RGS6: variants seen among roughly 807,000 people sequenced by gnomAD.
RGS6 encodes the protein regulator of G-protein signaling 6.
RGS6 carries 30 observed loss-of-function variants against 78.5 expected under a neutral mutation model. The observed-to-expected ratio is 0.38, with a 90% CI of 0.29 to 0.52. RGS6 has a LOEUF of 0.52. Ranked by LOEUF, RGS6 falls within the 20% of genes least tolerant of loss-of-function variation. The pLI is 0.85. For missense variants in RGS6, 495 were observed against 609.7 expected (o/e 0.81, Z 1.98); for synonymous variants, 206 against 206.0 (o/e 1.00, Z 0.00).
chr14:72,431,351 G>A (rs915775447), intron 3 of RGS6, among the ~76,000 whole-genome samples: 2 of 151,910 alleles, frequency 1.3e-5, no homozygotes, highest in African/African-American at 4.8e-5. Context: ...CAGTTGGTTT[G>A]GCTCTTCATT....
At chr14:72,453,565 G>C (rs910111684) in intron 3 of RGS6, among the ~76,000 whole-genome samples, 1 of 129,054 alleles carries the variant, frequency 7.7e-6, no homozygotes, top group Non-Finnish European at 1.6e-5. Context: ...GCAGTGAGCC[G>C]AGATCCCGCC....
At chr14:72,037,627 C>T (rs11848622) in intron 2 of RGS6, among the ~76,000 whole-genome samples, 19,828 of 152,178 alleles carry the variant, frequency 0.13, 1,346 homozygotes, top group East Asian at 0.17. Flanking sequence ...CTTCAAACAC[C>T]GTTTATTCAG....
chr14:72,521,557 C>T (rs1196809140), intron 15 of RGS6, among the ~76,000 whole-genome samples: 1 of 152,204 alleles, frequency 6.6e-6, no homozygotes, highest in Non-Finnish European at 1.5e-5. Flanking sequence ...GCAATCTAGA[C>T]TAGACATGAG....
the RGS6 span, among the ~76,000 whole-genome samples, chr14:72,583,896 G>C: frequency 6.6e-6 from 1 of 152,160 alleles, no homozygotes; most frequent in Admixed American, 6.5e-5. Context: ...TGCTCATGGG[G>C]ACACAGGTGG....
chr14:72,468,798 A>G (rs2095995734), intron 7 of RGS6, among the ~76,000 whole-genome samples: 1 of 152,166 alleles, frequency 6.6e-6, no homozygotes, highest in Non-Finnish European at 1.5e-5. Context: ...AGGCATTACC[A>G]GTTTTGCTTC....
At chr14:72,330,654 G>A (rs572128871) in intron 2 of RGS6, among the ~76,000 whole-genome samples, 5 of 152,218 alleles carry the variant, frequency 3.3e-5, no homozygotes, top group Admixed American at 6.5e-5. Flanking sequence ...TTAGTGACAC[G>A]ATATTTCATT....
At chr14:71,955,360 A>C (rs2092702595) in intron 1 of RGS6, among the ~76,000 whole-genome samples, 1 of 152,232 alleles carries the variant, frequency 6.6e-6, no homozygotes, top group African/African-American at 2.4e-5. Context: ...GTCCCAATCC[A>C]GACCCCAAGA....
intron 17 of RGS6, chr14:72,550,536 T>C: frequency 6.5e-7 from 1 of 1,535,708 alleles, no homozygotes; most frequent in Non-Finnish European, 8.7e-7. Flanking sequence ...AGATGGAGCA[T>C]CCAAGACAAC....
intron 2 of RGS6, among the ~76,000 whole-genome samples, chr14:72,286,046 G>A (rs1262844104): frequency 2.6e-5 from 4 of 152,026 alleles, no homozygotes; most frequent in Non-Finnish European, 5.9e-5. Flanking sequence ...TTTTGCTTTT[G>A]TTGCCTATGT....
At chr14:72,244,203 A>G (rs552786378) in intron 2 of RGS6, among the ~76,000 whole-genome samples, 76 of 152,098 alleles carry the variant, frequency 5.0e-4, no homozygotes, top group Middle Eastern at 3.4e-3. Flanking sequence ...GTTATCAGTC[A>G]GACCTCTAGG....
At chr14:72,033,393 C>T (rs2091213935) in intron 2 of RGS6, among the ~76,000 whole-genome samples, 1 of 151,978 alleles carries the variant, frequency 6.6e-6, no homozygotes, top group African/African-American at 2.4e-5. Context: ...GCCACCATGT[C>T]TGGCTATTTT....
chr14:72,101,161 G>A (rs866081677), intron 2 of RGS6, among the ~76,000 whole-genome samples: 26 of 152,314 alleles, frequency 1.7e-4, no homozygotes, highest in African/African-American at 6.3e-4. Context: ...TTGGGCAGCA[G>A]AGTGAGACCC....
intron 2 of RGS6, among the ~76,000 whole-genome samples, chr14:72,222,040 G>T (rs1403134123): frequency 1.3e-5 from 2 of 152,184 alleles, no homozygotes; most frequent in Admixed American, 6.5e-5. Flanking sequence ...ACAATCTGCT[G>T]GTTGGATTTG....
intron 2 of RGS6, among the ~76,000 whole-genome samples, chr14:72,053,079 C>CCCTCCCTTCCTCCCTTCCTT (rs2093415805): frequency 5.9e-5 from 1 of 17,014 alleles, no homozygotes; most frequent in Non-Finnish European, 9.2e-5. Context: ...CTCCCTCCCT[C>CCCTCCCTTCCTCCCTTCCTT]CCTTCCTTCC....
At chr14:72,560,082 A>G (rs1378026406) in intron 17 of RGS6, among the ~76,000 whole-genome samples, 1 of 151,682 alleles carries the variant, frequency 6.6e-6, no homozygotes, top group African/African-American at 2.4e-5. Flanking sequence ...CATTGGCAAC[A>G]GACTCTTATT....
At chr14:72,537,591 G>T (rs2097267686) in intron 16 of RGS6, 1 of 702,242 alleles carries the variant, frequency 1.4e-6, no homozygotes, top group South Asian at 1.5e-5. Flanking sequence ...CCAATGGAGG[G>T]GCTCCTTTGG....
At chr14:71,902,604 G>A in the RGS6 span, among the ~76,000 whole-genome samples, 6 of 151,918 alleles carry the variant, frequency 3.9e-5, no homozygotes, top group African/African-American at 1.5e-4. Context: ...TCCTTTCTTA[G>A]AGACAGTCAA....
intron 2 of RGS6, among the ~76,000 whole-genome samples, chr14:71,969,780 G>T (rs1184537000): frequency 1.3e-5 from 2 of 152,164 alleles, no homozygotes; most frequent in African/African-American, 4.8e-5. Flanking sequence ...TTCCCCTTCT[G>T]TAAAGGGAGG....
At chr14:72,612,467 A>G in the RGS6 span, 16 of 518,616 alleles carry the variant, frequency 3.1e-5, no homozygotes, top group Non-Finnish European at 5.8e-5. Flanking sequence ...GGCTTCTTCA[A>G]CTACATGTTG....
Sources: gnomAD v4.1 joint callset for allele counts (sites outside exome capture counted in the v4.1 genomes callset) on GRCh38, gnomAD v4.1.1 for gene constraint, MANE v1.5 for transcripts, NCBI Gene and HGNC (gene_info 2026-07-23, HGNC 2026-07-21) for gene names.